The following TACR1 variants were observed in gnomAD, a reference collection of about 807,000 sequenced individuals.
TACR1 encodes substance-P receptor.
A neutral mutation model predicts 35.8 loss-of-function variants in TACR1; 25 were observed. That is an observed-to-expected ratio of 0.70 (90% CI 0.51 to 0.98). The LOEUF is 0.98. Among genes scored for constraint, TACR1 ranks in the 50% least tolerant of loss-of-function variants. TACR1 has a pLI of 0.00. For missense variants in TACR1, 478 were observed against 522.9 expected, an observed-to-expected ratio of 0.91 and a Z score of 0.84; for synonymous variants, 195 against 206.7, an observed-to-expected ratio of 0.94 and a Z score of 0.48.
intron 1 of TACR1, among the ~76,000 whole-genome samples, chr2:75,173,748 T>A (rs3771850): frequency 0.59 from 89,225 of 152,078 alleles, 26,698 homozygotes; most frequent in Non-Finnish European, 0.62. Flanking sequence ...AACTTGAAAG[T>A]ATATTCATCA....
chr2:75,050,938 T>G (rs1247464251), intron 4 of TACR1: 1 of 387,972 alleles, frequency 2.6e-6, no homozygotes, highest in Non-Finnish European at 4.9e-6. Context: ...AGACCTGCCT[T>G]ACATGCATTA....
intron 2 of TACR1, among the ~76,000 whole-genome samples, chr2:75,070,804 A>G (rs562906322): frequency 6.6e-6 from 1 of 152,368 alleles, no homozygotes; most frequent in Non-Finnish European, 1.5e-5. Flanking sequence ...GGTGAGTGGC[A>G]GAGGTCAGAC....
chr2:75,146,144 A>G (rs927861814), intron 1 of TACR1, among the ~76,000 whole-genome samples: 1 of 152,094 alleles, frequency 6.6e-6, no homozygotes, highest in Non-Finnish European at 1.5e-5. Context: ...ATTTTTTCAG[A>G]TGGTGTCTCT....
At chr2:75,124,647 T>C (rs1270637263) in intron 1 of TACR1, among the ~76,000 whole-genome samples, 2 of 152,216 alleles carry the variant, frequency 1.3e-5, no homozygotes, top group Non-Finnish European at 2.9e-5. Context: ...CAGTTGTAAT[T>C]ATCAAACTCT....
chr2:75,198,958 T>C lies in TACR1; in HGVS notation c.-24A>G, dbSNP rs772450321. The C allele has an allele frequency of 1.2e-6, 2 of 1,607,480 alleles. No individual in the cohort carries two copies. Among genetic ancestry groups the C allele is most frequent in the South Asian group, 2.2e-5 (2 of 89,642 alleles). Reference sequence around the variant, plus strand: ...ATTTCGAAGCTAGGCGGTAAAGCCCTACTATCTGTACACAACCCCCCTCTG... The same window carrying C: ...ATTTCGAAGCTAGGCGGTAAAGCCCCACTATCTGTACACAACCCCCCTCTG... On this transcript the variant is annotated 5_prime_UTR_variant, in exon 1 of 5. Coordinates refer to ENST00000305249, the MANE Select transcript of TACR1 (RefSeq NM_001058.4).
intron 2 of TACR1, among the ~76,000 whole-genome samples, chr2:75,071,808 C>G (rs1572912077): frequency 6.6e-6 from 1 of 152,186 alleles, no homozygotes; most frequent in Non-Finnish European, 1.5e-5. Flanking sequence ...CCTGCTCCAT[C>G]AATGCTCCCT....
rs1393403639 is a variant in TACR1, at chr2:75,094,855, ATATAT to A, written c.584+25714_584+25718del. Among the ~76,000 whole-genome samples the A allele has an allele frequency of 1.1e-4, 10 of 87,922 alleles. No individual in the cohort carries two copies. The East Asian group carries it at 1.7e-3, about 15-fold the overall frequency. 57.7% of individuals were successfully genotyped at this position (87,922 alleles called of 152,430 possible). On this transcript the variant is annotated intron_variant, in intron 2 of 4. Transcript: ENST00000305249. ...AGCAGAAACATATATATATATATAT[ATATAT>A]TTTTTTTTTTTTTGCCCAAGATGGC... is the stretch of plus-strand genomic sequence containing the variant.
chr2:75,052,609 G>A (rs1232264748), intron 3 of TACR1, among the ~76,000 whole-genome samples: 3 of 152,010 alleles, frequency 2.0e-5, no homozygotes, highest in African/African-American at 7.2e-5. Context: ...CAAAAATCTT[G>A]TCAATTTTAA....
At chr2:75,190,405 C>A (rs116298080) in intron 1 of TACR1, among the ~76,000 whole-genome samples, 235 of 152,240 alleles carry the variant, frequency 1.5e-3, no homozygotes, top group African/African-American at 5.5e-3. Flanking sequence ...AAGCATTTAG[C>A]AAGAGATTTG....
chr2:75,139,779 GTTTA>G, intron 1 of TACR1, among the ~76,000 whole-genome samples: 1 of 152,316 alleles, frequency 6.6e-6, no homozygotes, highest in Non-Finnish European at 1.5e-5. Context: ...CGACTTGTAA[GTTTA>G]TTTGAGACAA....
intron 1 of TACR1, among the ~76,000 whole-genome samples, chr2:75,147,803 G>C (rs1674546721): frequency 1.3e-5 from 2 of 150,896 alleles, no homozygotes; most frequent in Admixed American, 6.6e-5. Context: ...GAGTGCAGTG[G>C]TGCAATCTTG....
intron 1 of TACR1, chr2:75,154,526 A>ACACACACACACT (rs1379600710): frequency 8.5e-5 from 10 of 117,144 alleles, no homozygotes; most frequent in East Asian, 2.7e-4. Flanking sequence ...ACACACACAC[A>ACACACACACACT]CTCTCTGAAG....
In TACR1 at chr2:75,048,309, A is replaced by G. The variant is rs1377178810; in HGVS notation, c.*1123T>C. The stretch of plus-strand genomic sequence containing the variant: ...AAATACCCAAAAGGTTAAAGCAGGG[A>G]GCCCACATTTGTCTTCTCTGACAGT... On this transcript the variant is annotated 3_prime_UTR_variant, in exon 5 of 5. Transcript: ENST00000305249. 3 of 152,248 alleles carry G rather than the reference A, an allele frequency of 2.0e-5. No homozygotes were observed. The South Asian group carries it at 6.2e-4, about 32-fold the overall frequency. The allele number at this position is 152,248 out of a possible 1,614,324, so 9.4% of individuals were successfully genotyped here.
At chr2:75,091,388 G>A (rs1424186309) in intron 2 of TACR1, among the ~76,000 whole-genome samples, 2 of 151,944 alleles carry the variant, frequency 1.3e-5, no homozygotes, top group Admixed American at 6.6e-5. Flanking sequence ...ATTACAGGCA[G>A]TTTAACAGCA....
chr2:75,105,467 C>T (rs2103878883), intron 2 of TACR1, among the ~76,000 whole-genome samples: 1 of 151,980 alleles, frequency 6.6e-6, no homozygotes, highest in East Asian at 1.9e-4. Flanking sequence ...AACATAATGA[C>T]TATAGTTAAT....
intron 1 of TACR1, among the ~76,000 whole-genome samples, chr2:75,196,876 G>T (rs1676008284): frequency 6.6e-6 from 1 of 152,128 alleles, no homozygotes; most frequent in South Asian, 2.1e-4. Context: ...CTAATTTAGG[G>T]GGCATCAAGA....
chr2:75,075,656 A>T (rs892192050), intron 2 of TACR1, among the ~76,000 whole-genome samples: 46 of 152,324 alleles, frequency 3.0e-4, no homozygotes, highest in African/African-American at 1.1e-3. Flanking sequence ...TGTAAAAACT[A>T]AATTCATCAG....
chr2:75,046,843 CACATTTTGGAAGTCACGTAACA>C lies in TACR1; in HGVS notation c.*2567_*2588del. 1 of 152,172 alleles carries C rather than the reference CACATTTTGGAAGTCACGTAACA, an allele frequency of 6.6e-6. No individual in the cohort carries two copies. Among genetic ancestry groups the C allele is most frequent in the East Asian group, 1.9e-4 (1 of 5,194 alleles). 9.4% of individuals were successfully genotyped at this position (152,172 alleles called of 1,614,324 possible). A position where few individuals can be genotyped will look rare whatever the true frequency, so the allele number is the denominator to read the frequency against. ...TATCACAGTGACAGCAATGAGATCT[CACATTTTGGAAGTCACGTAACA>C]AAGATGGTTCCTTGATATTTCATAT... On this transcript the variant is annotated 3_prime_UTR_variant, in exon 5 of 5. Coordinates refer to ENST00000305249, the MANE Select transcript of TACR1 (RefSeq NM_001058.4).
intron 1 of TACR1, chr2:75,189,217 A>G (rs4853120): frequency 0.22 from 33,202 of 151,986 alleles, 3,833 homozygotes; most frequent in Admixed American, 0.26. Context: ...GGTAGGCAGA[A>G]CTCCACTGTG....
Sources: gnomAD v4.1 joint callset for allele counts (sites outside exome capture counted in the v4.1 genomes callset) on GRCh38, gnomAD v4.1.1 for gene constraint, MANE v1.5 for transcripts, NCBI Gene and HGNC (gene_info 2026-07-23, HGNC 2026-07-21) for gene names.